The following RBFOX1 variants were observed in gnomAD, a reference collection of about 807,000 sequenced individuals.
RBFOX1 encodes the protein RNA binding protein fox-1 homolog 1.
Under a neutral mutation model 57.7 loss-of-function variants are expected in RBFOX1, and 8 were observed. The observed-to-expected ratio is 0.14, with a 90% confidence interval of 0.08 to 0.25. The LOEUF is 0.25. Ranked by LOEUF, RBFOX1 falls within the 10% of genes least tolerant of loss-of-function variation. The pLI, the probability that RBFOX1 is intolerant of heterozygous loss-of-function variation, is 1.00. For synonymous variants in RBFOX1, 326 were observed against 222.4 expected, an observed-to-expected ratio of 1.47 and a Z score of -4.15; for missense variants, 611 against 548.5, an observed-to-expected ratio of 1.11 and a Z score of -1.14.
intron 4 of RBFOX1, among the ~76,000 whole-genome samples, chr16:7,302,269 T>C (rs12103379): frequency 5.5e-4 from 84 of 152,308 alleles, no homozygotes; most frequent in African/African-American, 2.0e-3. Context: ...GAAGACTTCA[T>C]AGTTATTTCA....
In RBFOX1 at chr16:5,369,239, T is replaced by G. The variant is rs143478722; in HGVS notation, c.220-97977T>G. Among the ~76,000 whole-genome samples the G allele has an allele frequency of 2.5e-3, 375 of 152,322 alleles. 3 individuals are homozygous for G. The highest frequency in any genetic ancestry group is 8.3e-3 in the African/African-American group (347 of 41,580). Reference sequence around the variant, plus strand: ...ATGGTCTTGAACTCCTGACCTCAAGTGATCCACCCACCTTGGTCTCCCAAA... The same window carrying G: ...ATGGTCTTGAACTCCTGACCTCAAGGGATCCACCCACCTTGGTCTCCCAAA... On this transcript the variant is annotated intron_variant, in intron 1 of 2. Transcript: ENST00000585867.
chr16:6,037,597 T>C (rs1314569940), intron 1 of RBFOX1: 2 of 152,050 alleles, frequency 1.3e-5, no homozygotes, highest in African/African-American at 4.8e-5. Context: ...TTGTTTTGTT[T>C]TATTTTTTGT....
rs187930818 is a variant in RBFOX1 at position 6,259,451 on chromosome 16, C to T, written c.-126-57544C>T. On this transcript the variant is annotated intron_variant, in intron 1 of 15. Transcript: ENST00000550418. ...AGATATTTTCATGTGTCTCTGTGTCCACTTTCTTCTTTTAAATAAACTTGT... is the reference window on the plus strand; with the variant it reads ...AGATATTTTCATGTGTCTCTGTGTCTACTTTCTTCTTTTAAATAAACTTGT... 3.3e-5 allele frequency among the ~76,000 whole-genome samples: 5 copies of T among 152,134 alleles called. No individual in the cohort carries two copies. In the East Asian group the frequency reaches 7.7e-4, roughly 24 times the overall value.
intron 4 of RBFOX1, among the ~76,000 whole-genome samples, chr16:7,170,812 C>G (rs574763347): frequency 6.6e-6 from 1 of 152,196 alleles, no homozygotes; most frequent in Non-Finnish European, 1.5e-5. Context: ...GGTGACAGAG[C>G]TTCCACTTAA....
intron 2 of RBFOX1, among the ~76,000 whole-genome samples, chr16:6,518,476 G>A (rs557453083): frequency 2.0e-5 from 3 of 152,078 alleles, no homozygotes; most frequent in Non-Finnish European, 4.4e-5. Context: ...ATACAGATGG[G>A]CACACTGAGA....
chr16:6,880,388 C>A (rs527588945), intron 3 of RBFOX1, among the ~76,000 whole-genome samples: 1 of 152,244 alleles, frequency 6.6e-6, no homozygotes, highest in East Asian at 1.9e-4. Context: ...TCACTGCAAC[C>A]CACCGCCCTG....
At chr16:6,499,627 G>C (rs1226187894) in intron 2 of RBFOX1, among the ~76,000 whole-genome samples, 2 of 151,960 alleles carry the variant, frequency 1.3e-5, no homozygotes, top group Non-Finnish European at 2.9e-5. Context: ...AAATCAGTAG[G>C]GCATGAGGTA....
chr16:7,108,687 CCA>C (rs762534981), intron 4 of RBFOX1, among the ~76,000 whole-genome samples: 28 of 152,138 alleles, frequency 1.8e-4, no homozygotes, highest in Non-Finnish European at 3.1e-4. Flanking sequence ...GCAACATCCA[CCA>C]CAGTTAAAAG....
At position 5,946,896 on chromosome 16, in the gene RBFOX1, G is replaced by T. The variant is rs1202933872; in HGVS notation, c.351+79561G>T. ...ATATGAGTGTAGAGGTATGCTGCTT[G>T]AGTGGAGAAACAGAGTTTTCTCTGT... On this transcript the variant is annotated intron_variant, in intron 4 of 19. Transcript: ENST00000641259. The surrounding 1 kb of genome is among the most constrained non-coding windows in gnomAD (Gnocchi z 4.6). Among the ~76,000 whole-genome samples, 1 of 152,148 alleles carries T rather than the reference G, an allele frequency of 6.6e-6. No individual in the cohort carries two copies. Among genetic ancestry groups the T allele is most frequent in the Non-Finnish European group, 1.5e-5 (1 of 68,044 alleles).
chr16:7,249,682 A>T (rs997607111), intron 4 of RBFOX1, among the ~76,000 whole-genome samples: 6 of 150,932 alleles, frequency 4.0e-5, no homozygotes, highest in African/African-American at 1.5e-4. Flanking sequence ...ATTTTTATGT[A>T]TTTTTTATTT....
chr16:6,307,605 CATA>C (rs1178355520), intron 1 of RBFOX1, among the ~76,000 whole-genome samples: 7 of 147,430 alleles, frequency 4.7e-5, no homozygotes, highest in South Asian at 4.2e-4. Flanking sequence ...CAATCTGATA[CATA>C]ATGAGTTTTA....
intron 2 of RBFOX1, among the ~76,000 whole-genome samples, chr16:6,428,005 G>A (rs563329252): frequency 1.4e-4 from 21 of 152,208 alleles, no homozygotes; most frequent in Admixed American, 3.9e-4. Context: ...ATGAGAGGCC[G>A]GGCACGGTGG....
At chr16:6,785,589 T>G (rs2081818905) in intron 3 of RBFOX1, among the ~76,000 whole-genome samples, 2 of 152,194 alleles carry the variant, frequency 1.3e-5, no homozygotes, top group African/African-American at 4.8e-5. Flanking sequence ...AGTTTTCCAT[T>G]AAATAAGCTA....
chr16:5,751,426 C>T (rs1002145764), intron 3 of RBFOX1, among the ~76,000 whole-genome samples: 2 of 152,188 alleles, frequency 1.3e-5, no homozygotes, highest in African/African-American at 4.8e-5. Context: ...CGGATACCGT[C>T]TCCACCCAAT....
chr16:6,251,454 C>T (rs1175672839), intron 1 of RBFOX1, among the ~76,000 whole-genome samples: 1 of 152,022 alleles, frequency 6.6e-6, no homozygotes, highest in Non-Finnish European at 1.5e-5. Flanking sequence ...CTCCAAAGTC[C>T]CCTTGCTTTC....
chr16:6,576,076 G>A (rs187187252), intron 2 of RBFOX1, among the ~76,000 whole-genome samples: 9 of 152,178 alleles, frequency 5.9e-5, no homozygotes, highest in Admixed American at 2.6e-4. Context: ...GGCTCACTGG[G>A]CACCTTCATA....
intron 4 of RBFOX1, among the ~76,000 whole-genome samples, chr16:5,968,898 C>T (rs1020573703): frequency 1.3e-5 from 2 of 152,064 alleles, no homozygotes; most frequent in African/African-American, 2.4e-5. Context: ...ATTTATCTCT[C>T]TTTTTAACAG....
chr16:7,394,283 A>G (rs2098102975), intron 4 of RBFOX1, among the ~76,000 whole-genome samples: 1 of 151,276 alleles, frequency 6.6e-6, no homozygotes, highest in African/African-American at 2.4e-5. Flanking sequence ...GAAATAAAAA[A>G]TAGTCATAGA....
chr16:6,102,689 C>T (rs1180113321), intron 1 of RBFOX1, among the ~76,000 whole-genome samples: 11 of 152,072 alleles, frequency 7.2e-5, no homozygotes, highest in Non-Finnish European at 1.0e-4. Context: ...TTTTATAGAA[C>T]GGTTATTGAA....
Sources: allele counts gnomAD v4.1 joint callset (sites outside exome capture counted in the v4.1 genomes callset), GRCh38; gene constraint gnomAD v4.1.1; non-coding constraint Gnocchi (gnomAD v3.1); transcripts MANE v1.5; gene names NCBI Gene and HGNC (gene_info 2026-07-23, HGNC 2026-07-21).